The following RGS22 variants were observed in gnomAD, a reference collection of about 807,000 sequenced individuals.
RGS22 encodes the protein regulator of G protein signaling 22.
Under a neutral mutation model 172.9 loss-of-function variants are expected in RGS22, and 148 were observed. The observed-to-expected ratio is 0.86, with a 90% CI of 0.75 to 0.98. RGS22 has a LOEUF of 0.98. RGS22 is among the 50% of genes least tolerant of loss of function. The probability of loss-of-function intolerance (pLI) is 0.00; values close to 1 mark genes in which losing one functional copy is unlikely to be tolerated. For synonymous variants in RGS22, 458 were observed against 480.2 expected (o/e 0.95, Z 0.60); for missense variants, 1,347 against 1,440.8 (o/e 0.93, Z 1.05).
chr8:99,975,700 T>G (rs1395093419), intron 23 of RGS22, among the ~76,000 whole-genome samples: 1 of 152,004 alleles, frequency 6.6e-6, no homozygotes, highest in Admixed American at 6.6e-5. Flanking sequence ...ATTCTCTTAT[T>G]TATTTATTTA....
intron 20 of RGS22, among the ~76,000 whole-genome samples, chr8:99,988,781 T>A (rs1452684700): frequency 6.6e-6 from 1 of 152,164 alleles, no homozygotes; most frequent in Non-Finnish European, 1.5e-5. Context: ...TGAATGGTGG[T>A]GCCATTAACC....
At chr8:100,090,109 T>C (rs964246764) in intron 3 of RGS22, among the ~76,000 whole-genome samples, 1 of 152,188 alleles carries the variant, frequency 6.6e-6, no homozygotes, top group Admixed American at 6.6e-5. Flanking sequence ...ATAGTCTAAT[T>C]AGTGAAGGAA....
rs562849984 is a variant in RGS22, at chr8:100,104,981, G to T, written c.54+393C>A. Among the ~76,000 whole-genome samples, 4 of 152,326 alleles carry T rather than the reference G, an allele frequency of 2.6e-5. No homozygotes were observed. The South Asian group carries it at 8.3e-4, about 32-fold the overall frequency. On this transcript the variant is annotated intron_variant, in intron 2 of 27. Coordinates refer to ENST00000360863, the MANE Select transcript of RGS22 (RefSeq NM_015668.5). Reference sequence around the variant, plus strand: ...TGGGAGTATTTAGTACATTTGTAAAGGAATGATAAATTGACCACTCTTTAT... The same window carrying T: ...TGGGAGTATTTAGTACATTTGTAAATGAATGATAAATTGACCACTCTTTAT...
At chr8:100,002,481 T>C (rs1456781837) in intron 17 of RGS22, 117 bp from the exon 18 acceptor site, 4 of 910,632 alleles carry the variant, frequency 4.4e-6, no homozygotes, top group Non-Finnish European at 6.4e-6. Flanking sequence ...CTAGTAGCAT[T>C]AGATCATGGA....
intron 11 of RGS22, among the ~76,000 whole-genome samples, chr8:100,046,715 A>G (rs2926768): frequency 0.6 from 91,161 of 150,748 alleles, 27,730 homozygotes; most frequent in Admixed American, 0.65. Context: ...AAACCCAGAG[A>G]ATAAGAATTC....
chr8:100,087,099 A>G (rs1178925824), intron 3 of RGS22, among the ~76,000 whole-genome samples: 1 of 152,142 alleles, frequency 6.6e-6, no homozygotes, highest in Non-Finnish European at 1.5e-5. Context: ...TGTTTTAACC[A>G]TTTCTAAGCT....
chr8:100,093,595 T>C, intron 2 of RGS22, 86 bp from the exon 3 acceptor site: 1 of 855,852 alleles, frequency 1.2e-6, no homozygotes, highest in Non-Finnish European at 1.9e-6. Flanking sequence ...GCTACGAATT[T>C]ATTATCACAT....
chr8:100,105,891 A>G lies in RGS22; in HGVS notation c.25+6T>C. 1 of 1,500,300 alleles carries G rather than the reference A, an allele frequency of 6.7e-7. No individual in the cohort carries two copies. Among genetic ancestry groups the G allele is most frequent in the Non-Finnish European group, 8.9e-7 (1 of 1,126,568 alleles). 92.9% of individuals were successfully genotyped at this position (1,500,300 alleles called of 1,614,324 possible). A position where few individuals can be genotyped will look rare whatever the true frequency, so the allele number is the denominator to read the frequency against. On this transcript the variant is annotated splice_donor_region_variant and intron_variant, in intron 1 of 27. Transcript: ENST00000360863. ...GATCCTCTGTCCCTGTGGGGCCGCC[A>G]CCTACCCGCGGTGAGCCTCTTCTCG... is the stretch of plus-strand genomic sequence containing the variant.
intron 14 of RGS22, among the ~76,000 whole-genome samples, chr8:100,021,590 C>T (rs1362686501): frequency 2.0e-5 from 3 of 152,142 alleles, no homozygotes; most frequent in Non-Finnish European, 4.4e-5. Context: ...AGACCAAAAT[C>T]ACTTCACAGA....
rs571112816 is a variant in RGS22, at chr8:100,018,091, C to A, written c.2167-9522G>T. On this transcript the variant is annotated intron_variant, in intron 14 of 27. Transcript: ENST00000360863. ...CTGCCTGGCACTGCACACAACATGG[C>A]TCTAAGCCTCATCTCTCCTGGAGAC... Among the ~76,000 whole-genome samples the A allele has an allele frequency of 2.1e-3, 316 of 152,188 alleles. 1 individual carries two copies. The highest frequency in any genetic ancestry group is 3.6e-3 in the Non-Finnish European group (243 of 68,024).
At chr8:99,991,824 A>G (rs890407944) in intron 20 of RGS22, among the ~76,000 whole-genome samples, 4 of 152,132 alleles carry the variant, frequency 2.6e-5, no homozygotes, top group African/African-American at 9.7e-5. Context: ...TCAGATTCAC[A>G]AAAGTTGAAA....
At chr8:100,018,877 C>T (rs146640174) in intron 14 of RGS22, among the ~76,000 whole-genome samples, 67 of 151,966 alleles carry the variant, frequency 4.4e-4, no homozygotes, top group African/African-American at 1.6e-3. Context: ...GCATGCCAGA[C>T]TTACTTTTCC....
chr8:99,967,024 T>C (rs1242110986), intron 23 of RGS22, among the ~76,000 whole-genome samples: 2 of 152,196 alleles, frequency 1.3e-5, no homozygotes, highest in African/African-American at 4.8e-5. Flanking sequence ...CCTGAGGTAC[T>C]TGTTCATCTC....
chr8:99,985,333 G>A (rs941642614), intron 21 of RGS22, among the ~76,000 whole-genome samples: 8 of 152,160 alleles, frequency 5.3e-5, no homozygotes, highest in Non-Finnish European at 8.8e-5. Context: ...ATAAGAGTAA[G>A]CCCTATAAGA....
chr8:100,069,112 T>A (rs1172656901), intron 6 of RGS22, among the ~76,000 whole-genome samples: 1 of 152,014 alleles, frequency 6.6e-6, no homozygotes, highest in Non-Finnish European at 1.5e-5. Context: ...TAATAGCAGA[T>A]GCAAATGAAA....
At chr8:99,992,963 C>A (rs1813923761) in intron 20 of RGS22, among the ~76,000 whole-genome samples, 1 of 152,200 alleles carries the variant, frequency 6.6e-6, no homozygotes, top group South Asian at 2.1e-4. Flanking sequence ...GTAAGAAACT[C>A]ACTCAAAACC....
intron 20 of RGS22, 52 bp from the exon 21 acceptor site, chr8:99,987,671 T>C (rs1226245860): frequency 7.4e-7 from 1 of 1,353,476 alleles, no homozygotes. Context: ...GGCTAACAAT[T>C]ACCAACTTCT....
At chr8:100,048,255 AATG>A (rs1276793945) in intron 10 of RGS22, among the ~76,000 whole-genome samples, 2 of 152,206 alleles carry the variant, frequency 1.3e-5, no homozygotes, top group African/African-American at 4.8e-5. Flanking sequence ...TAGTTACAAA[AATG>A]ATGACACACA....
intron 3 of RGS22, among the ~76,000 whole-genome samples, chr8:100,083,788 T>C (rs1205968902): frequency 2.0e-5 from 3 of 151,944 alleles, no homozygotes; most frequent in Non-Finnish European, 4.4e-5. Context: ...GTTATCACTA[T>C]GCAACTGCTT....
Sources: gnomAD v4.1 joint callset for allele counts (sites outside exome capture counted in the v4.1 genomes callset) on GRCh38, gnomAD v4.1.1 for gene constraint, MANE v1.5 for transcripts, NCBI Gene and HGNC (gene_info 2026-07-23, HGNC 2026-07-21) for gene names.